AP3B1: variants seen among roughly 807,000 people sequenced by gnomAD.
AP3B1 encodes AP-3 complex subunit beta-1.
A neutral mutation model predicts 132.5 loss-of-function variants in AP3B1; 61 were observed. That is an observed-to-expected ratio of 0.46 (90% CI 0.37 to 0.57). The LOEUF (loss-of-function observed/expected upper bound fraction) is 0.57. AP3B1 is among the 20% of genes least tolerant of loss of function. The pLI is 0.00. For missense variants in AP3B1, 1,120 were observed against 1,289.4 expected, an observed-to-expected ratio of 0.87 and a Z score of 2.01; for synonymous variants, 388 against 438.3, an observed-to-expected ratio of 0.89 and a Z score of 1.43.
At chr5:78,123,604 T>C (rs555815106) in intron 17 of AP3B1, among the ~76,000 whole-genome samples, 1 of 152,180 alleles carries the variant, frequency 6.6e-6, no homozygotes, top group Non-Finnish European at 1.5e-5. Context: ...AAAATGCTCG[T>C]CATCACTGAC....
rs756321242 is a variant in AP3B1 at position 78,216,056 on chromosome 5, T to C, written c.785A>G (p.Glu262Gly). The C allele has an allele frequency of 1.1e-5, 18 of 1,613,938 alleles. No homozygotes were observed. The highest frequency in any genetic ancestry group is 1.4e-5 in the Non-Finnish European group (17 of 1,179,840). Residue 262 changes from glutamate (E) to glycine (G), a missense_variant and splice_region_variant, in exon 7 of 27, where the codon GAG becomes GGG. This residue lies in a region of AP3B1 where 906 missense variants were observed against 997.1 expected (regional missense o/e 0.91). Transcript: ENST00000255194. Reference sequence around the variant, plus strand: ...AGTGGAAGACTGTTCAACACTTACCTCTTTCCAAGGGCTGACAAACTGTGT... The same window carrying C: ...AGTGGAAGACTGTTCAACACTTACCCCTTTCCAAGGGCTGACAAACTGTGT... Reference protein sequence around the residue: ...ARTQFVSPWKEGDELEDNGKN... With the variant: ...ARTQFVSPWKGGDELEDNGKN...
At chr5:78,134,731 C>CGG (rs1472006452) in intron 15 of AP3B1, among the ~76,000 whole-genome samples, 1 of 152,012 alleles carries the variant, frequency 6.6e-6, no homozygotes, top group Admixed American at 6.6e-5. Flanking sequence ...TTAGTAGAGA[C>CGG]GGGGTTTAAC....
rs563466932 is a variant in AP3B1, at chr5:78,142,995, G to A, written c.1474-1676C>T. ...ATTGAGTGGTACATTAAATTTTCCA[G>A]TATAGAGGAATTCAAGTTGCCTGCC... On this transcript the variant is annotated intron_variant, in intron 14 of 26. Transcript: ENST00000255194. Among the ~76,000 whole-genome samples, 359 of 152,184 alleles carry A rather than the reference G, an allele frequency of 2.4e-3. 1 individual carries two copies. Among genetic ancestry groups the A allele is most frequent in the Non-Finnish European group, 3.6e-3 (246 of 67,972 alleles).
At chr5:78,118,660 A>T (rs138406793) in intron 17 of AP3B1, among the ~76,000 whole-genome samples, 3 of 149,938 alleles carry the variant, frequency 2.0e-5, no homozygotes, top group Non-Finnish European at 3.0e-5. Flanking sequence ...TTGATTAGGT[A>T]AACAAAGCAG....
chr5:78,003,092 T>A (rs1475079024), intron 26 of AP3B1, 37 bp from the exon 27 acceptor site: 1 of 1,607,868 alleles, frequency 6.2e-7, no homozygotes, highest in Non-Finnish European at 8.5e-7. Context: ...TATCATAAGA[T>A]GGGGAGGGTA....
chr5:78,238,566 C>A (rs1419130005), intron 3 of AP3B1, among the ~76,000 whole-genome samples: 1 of 151,928 alleles, frequency 6.6e-6, no homozygotes, highest in Non-Finnish European at 1.5e-5. Context: ...TGTTACTGTA[C>A]TCAATACTGT....
intron 6 of AP3B1, chr5:78,222,168 T>C (rs983196078): frequency 6.6e-6 from 1 of 152,200 alleles, no homozygotes; most frequent in Non-Finnish European, 1.5e-5. Flanking sequence ...TGCTTCTGCC[T>C]CAGAGTTGGT....
intron 7 of AP3B1, among the ~76,000 whole-genome samples, chr5:78,200,138 A>C (rs1745231272): frequency 6.6e-6 from 1 of 151,926 alleles, no homozygotes. Context: ...TGCTTACACA[A>C]ACACCTGTGG....
At chr5:78,104,805 C>T (rs1017782994) in intron 20 of AP3B1, among the ~76,000 whole-genome samples, 7 of 152,080 alleles carry the variant, frequency 4.6e-5, no homozygotes, top group Non-Finnish European at 7.4e-5. Context: ...AGTGACTGAT[C>T]GTTAGAGCAC....
chr5:78,009,876 T>C (rs1158495776), intron 26 of AP3B1, among the ~76,000 whole-genome samples: 1 of 152,154 alleles, frequency 6.6e-6, no homozygotes, highest in African/African-American at 2.4e-5. Flanking sequence ...AGAACTAAAA[T>C]AGAATCATGG....
At chr5:78,168,461 C>G (rs916082231) in intron 11 of AP3B1, among the ~76,000 whole-genome samples, 1 of 151,854 alleles carries the variant, frequency 6.6e-6, no homozygotes, top group Non-Finnish European at 1.5e-5. Context: ...TAGGCTCAAG[C>G]GATCCTCCTG....
At chr5:78,111,146 A>C (rs1466155254) in intron 19 of AP3B1, among the ~76,000 whole-genome samples, 2 of 152,134 alleles carry the variant, frequency 1.3e-5, no homozygotes, top group Non-Finnish European at 2.9e-5. Context: ...TTACTTACAC[A>C]AGTTCCCAAA....
chr5:78,222,126 A>T (rs66599606), intron 6 of AP3B1: 1 of 147,128 alleles, frequency 6.8e-6, no homozygotes, highest in Non-Finnish European at 1.5e-5. Context: ...TTCATTCTCT[A>T]AAAAAAAAAA....
chr5:78,162,705 C>T (rs1743436975), intron 13 of AP3B1, 114 bp downstream of exon 13: 1 of 1,099,726 alleles, frequency 9.1e-7, no homozygotes. Context: ...GACCATACTA[C>T]TGATATAACT....
At chr5:78,018,699 CA>C (rs1746964165) in intron 25 of AP3B1, among the ~76,000 whole-genome samples, 2 of 151,694 alleles carry the variant, frequency 1.3e-5, no homozygotes, top group African/African-American at 4.8e-5. Context: ...CACACACACA[CA>C]CCCCTTAAAT....
intron 2 of AP3B1, among the ~76,000 whole-genome samples, chr5:78,248,109 GTAGA>G (rs1332801382): frequency 1.3e-5 from 2 of 152,084 alleles, no homozygotes; most frequent in East Asian, 3.8e-4. Context: ...AGATACATAG[GTAGA>G]TAAACAGACA....
At chr5:78,006,566 C>T (rs1488766265) in intron 26 of AP3B1, among the ~76,000 whole-genome samples, 1 of 152,120 alleles carries the variant, frequency 6.6e-6, no homozygotes, top group African/African-American at 2.4e-5. Flanking sequence ...GAGACACCAG[C>T]AATGAAAAAT....
At chr5:78,115,663 A>G (rs1357042148) in intron 18 of AP3B1, among the ~76,000 whole-genome samples, 1 of 152,170 alleles carries the variant, frequency 6.6e-6, no homozygotes, top group African/African-American at 2.4e-5. Flanking sequence ...TATAGTATAT[A>G]GAGACTTAAT....
intron 2 of AP3B1, among the ~76,000 whole-genome samples, chr5:78,266,250 T>C (rs1748318095): frequency 6.6e-6 from 1 of 152,176 alleles, no homozygotes; most frequent in African/African-American, 2.4e-5. Flanking sequence ...GAAATTCATA[T>C]GTATAAAAGC....
Sources: gnomAD v4.1 joint callset for allele counts (sites outside exome capture counted in the v4.1 genomes callset) on GRCh38, gnomAD v4.1.1 for gene constraint, gnomAD v4.1.1 regional missense constraint, MANE v1.5 for transcripts, NCBI Gene and HGNC (gene_info 2026-07-23, HGNC 2026-07-21) for gene names.